Variants in FHIT observed in about 807,000 individuals in gnomAD.
FHIT encodes fragile histidine triad diadenosine triphosphatase, also known as bis(5'-adenosyl)-triphosphatase.
Under a neutral mutation model 17.9 loss-of-function variants are expected in FHIT, and 19 were observed. The observed-to-expected ratio is 1.06, with a 90% CI of 0.74 to 1.56. The LOEUF (loss-of-function observed/expected upper bound fraction) is 1.56. Among genes scored for constraint, FHIT ranks in the 40% most tolerant of loss-of-function variants. The pLI, the probability that FHIT is intolerant of heterozygous loss-of-function variation, is 0.00. For synonymous variants in FHIT, 81 were observed against 69.7 expected (o/e 1.16, Z -0.81); for missense variants, 248 against 189.2 (o/e 1.31, Z -1.82).
chr3:60,382,919 C>G (rs1285288120), intron 5 of FHIT, among the ~76,000 whole-genome samples: 1 of 152,174 alleles, frequency 6.6e-6, no homozygotes, highest in African/African-American at 2.4e-5. Context: ...GCTTCAACAC[C>G]TTTACCTTCC....
At chr3:61,146,406 T>C (rs571131834) in intron 2 of FHIT, among the ~76,000 whole-genome samples, 10 of 152,026 alleles carry the variant, frequency 6.6e-5, no homozygotes, top group Non-Finnish European at 1.3e-4. Flanking sequence ...TATTAGAATA[T>C]GACCTGACAA....
At chr3:59,938,131 T>C (rs911002408) in intron 7 of FHIT, among the ~76,000 whole-genome samples, 6 of 152,030 alleles carry the variant, frequency 3.9e-5, no homozygotes, top group Admixed American at 2.6e-4. Flanking sequence ...TCTATAGTAG[T>C]GAAGATATAC....
At chr3:60,278,988 A>C (rs1576411868) in intron 5 of FHIT, among the ~76,000 whole-genome samples, 1 of 152,258 alleles carries the variant, frequency 6.6e-6, no homozygotes, top group African/African-American at 2.4e-5. Flanking sequence ...ACAGAAAGAA[A>C]AACAATTTAA....
intron 5 of FHIT, among the ~76,000 whole-genome samples, chr3:60,164,786 G>T (rs1188787672): frequency 6.6e-6 from 1 of 152,064 alleles, no homozygotes; most frequent in African/African-American, 2.4e-5. Flanking sequence ...TCAATCTAAA[G>T]CTAAGAGAGT....
chr3:60,308,454 C>G (rs933314106), intron 5 of FHIT, among the ~76,000 whole-genome samples: 5 of 150,518 alleles, frequency 3.3e-5, no homozygotes, highest in Admixed American at 6.6e-5. Flanking sequence ...TAACCCAACA[C>G]TCTACCAAAT....
At chr3:60,096,064 C>G (rs1703935021) in intron 5 of FHIT, among the ~76,000 whole-genome samples, 1 of 152,206 alleles carries the variant, frequency 6.6e-6, no homozygotes, top group Non-Finnish European at 1.5e-5. Flanking sequence ...CCAGGGACCT[C>G]TGGCCAGTGA....
chr3:59,928,994 CAAAAAAA>C (rs56107626), intron 7 of FHIT, among the ~76,000 whole-genome samples: 2 of 33,122 alleles, frequency 6.0e-5, no homozygotes, highest in Non-Finnish European at 9.9e-5. Flanking sequence ...GACTTCATCT[CAAAAAAA>C]AAAAAAAAAA....
chr3:60,743,729 A>G (rs1553714484), intron 4 of FHIT, among the ~76,000 whole-genome samples: 1 of 152,170 alleles, frequency 6.6e-6, no homozygotes, highest in African/African-American at 2.4e-5. Context: ...CTCTGGCTAC[A>G]CATGATGAGG....
At chr3:61,228,277 G>A (rs2106859662) in intron 1 of FHIT, among the ~76,000 whole-genome samples, 1 of 152,046 alleles carries the variant, frequency 6.6e-6, no homozygotes, top group African/African-American at 2.4e-5. Flanking sequence ...ATATTCTCCT[G>A]ACACCAGAAG....
intron 5 of FHIT, among the ~76,000 whole-genome samples, chr3:60,125,542 G>A (rs756852986): frequency 4.0e-5 from 6 of 151,410 alleles, no homozygotes; most frequent in Non-Finnish European, 7.4e-5. Context: ...TGAGGCAGGA[G>A]CATCACTTGA....
At chr3:61,068,118 A>G (rs2106727636) in intron 2 of FHIT, among the ~76,000 whole-genome samples, 1 of 152,320 alleles carries the variant, frequency 6.6e-6, no homozygotes, top group South Asian at 2.1e-4. Flanking sequence ...CTATCCGAAT[A>G]AAGCCAGAAC....
intron 5 of FHIT, among the ~76,000 whole-genome samples, chr3:60,041,757 A>T (rs1220223490): frequency 2.0e-5 from 3 of 152,250 alleles, no homozygotes; most frequent in Non-Finnish European, 4.4e-5. Context: ...ACCTTCATAC[A>T]TGAAATTGCC....
intron 1 of FHIT, among the ~76,000 whole-genome samples, chr3:61,202,605 A>T (rs1317665373): frequency 6.6e-6 from 1 of 152,236 alleles, no homozygotes; most frequent in East Asian, 1.9e-4. Context: ...AAAGTATAAC[A>T]ATATCTCAAA....
At chr3:61,196,881 G>T (rs2038867042) in intron 2 of FHIT, among the ~76,000 whole-genome samples, 1 of 152,144 alleles carries the variant, frequency 6.6e-6, no homozygotes, top group African/African-American at 2.4e-5. Context: ...TTTCAACCTC[G>T]TGTTCCCAGG....
chr3:60,067,605 C>T (rs2630173), intron 5 of FHIT, among the ~76,000 whole-genome samples: 50,801 of 152,022 alleles, frequency 0.33, 9,810 homozygotes, highest in African/African-American at 0.53. Flanking sequence ...TATCAATTGC[C>T]ATTGTTGTTT....
At chr3:60,313,640 T>C (rs753338253) in intron 5 of FHIT, among the ~76,000 whole-genome samples, 3 of 152,146 alleles carry the variant, frequency 2.0e-5, no homozygotes, top group Non-Finnish European at 1.5e-5. Context: ...GCTTTTTAAG[T>C]GACAAATGAT....
intron 5 of FHIT, among the ~76,000 whole-genome samples, chr3:60,237,369 C>T (rs570322386): frequency 6.7e-6 from 1 of 148,984 alleles, no homozygotes. Context: ...TGTGTTGCGA[C>T]TGGAACAGGT....
intron 5 of FHIT, among the ~76,000 whole-genome samples, chr3:60,403,142 G>A (rs139143174): frequency 5.4e-4 from 82 of 152,268 alleles, no homozygotes; most frequent in Middle Eastern, 6.8e-3. Flanking sequence ...GTAAAAGCCC[G>A]GGATAGACAA....
intron 5 of FHIT, among the ~76,000 whole-genome samples, chr3:60,496,453 A>G (rs2107513242): frequency 6.6e-6 from 1 of 152,308 alleles, no homozygotes; most frequent in East Asian, 1.9e-4. Context: ...ATGTGGTACC[A>G]TCTTTTACCC....
Sources: allele counts gnomAD v4.1 joint callset (sites outside exome capture counted in the v4.1 genomes callset), GRCh38; gene constraint gnomAD v4.1.1; transcripts MANE v1.5; gene names NCBI Gene and HGNC (gene_info 2026-07-23, HGNC 2026-07-21).